SUMF1: variants seen among roughly 807,000 people sequenced by gnomAD.
SUMF1 encodes formylglycine-generating enzyme.
In SUMF1, 48 loss-of-function variants were observed where a neutral mutation model predicts 47.6. The ratio of observed to expected loss-of-function variants is 1.01; its 90% CI spans 0.80 to 1.28. SUMF1 has a LOEUF of 1.28. SUMF1 is among the 50% of genes most tolerant of loss of function. The pLI, the probability that SUMF1 is intolerant of heterozygous loss-of-function variation, is 0.00. For synonymous variants in SUMF1, 230 were observed against 192.1 expected (o/e 1.20, Z -1.63); for missense variants, 571 against 485.4 (o/e 1.18, Z -1.66).
intron 8 of SUMF1, among the ~76,000 whole-genome samples, chr3:4,205,640 G>T (rs757185328): frequency 1.3e-5 from 2 of 152,156 alleles, no homozygotes; most frequent in Non-Finnish European, 2.9e-5. Context: ...ATCTGCTTTG[G>T]GGGCAACCCA....
intron 8 of SUMF1, among the ~76,000 whole-genome samples, chr3:4,287,129 C>T (rs1438528332): frequency 6.6e-6 from 1 of 152,108 alleles, no homozygotes; most frequent in East Asian, 1.9e-4. Flanking sequence ...CTATATGTTC[C>T]TGAGTTCTTG....
At position 4,265,726 on chromosome 3, in the gene SUMF1, T is replaced by C. The variant is rs189191654; in HGVS notation, c.1014+110604A>G. 7.2e-5 allele frequency among the ~76,000 whole-genome samples: 11 copies of C among 152,328 alleles called. 2 individuals carry two copies. Among genetic ancestry groups the C allele is most frequent in the Admixed American group, 6.5e-5 (1 of 15,304 alleles). On this transcript the variant is annotated intron_variant and NMD_transcript_variant, in intron 8 of 12. Transcript: ENST00000448413. The stretch of plus-strand genomic sequence containing the variant: ...TTTCTTTTGCTGTGTAGAAGCTCTT[T>C]AGTTTAATTAGAACCCATTTGTCAA...
chr3:4,082,435 C>T (rs1388205987), intron 8 of SUMF1, among the ~76,000 whole-genome samples: 1 of 152,042 alleles, frequency 6.6e-6, no homozygotes, highest in African/African-American at 2.4e-5. Context: ...TGCCACTGCA[C>T]TTCATCCTGG....
At chr3:4,100,058 T>C (rs1001074409) in intron 8 of SUMF1, among the ~76,000 whole-genome samples, 2 of 151,076 alleles carry the variant, frequency 1.3e-5, no homozygotes, top group Non-Finnish European at 3.0e-5. Context: ...TTTAATAATA[T>C]GAATTCTTCC....
At chr3:4,211,121 T>TACAC (rs1553609385) in intron 8 of SUMF1, among the ~76,000 whole-genome samples, 2 of 128,296 alleles carry the variant, frequency 1.6e-5, no homozygotes, top group African/African-American at 6.0e-5. Context: ...TATATATATA[T>TACAC]ACACACACAC....
At chr3:4,276,655 T>C (rs1224525269) in intron 8 of SUMF1, among the ~76,000 whole-genome samples, 2 of 152,176 alleles carry the variant, frequency 1.3e-5, no homozygotes, top group Non-Finnish European at 2.9e-5. Context: ...GAATCAGTCA[T>C]ATTGTGCCAT....
intron 3 of SUMF1, among the ~76,000 whole-genome samples, chr3:4,447,243 G>A (rs923295505): frequency 2.6e-5 from 4 of 152,076 alleles, no homozygotes. Context: ...GTCATAAATA[G>A]AATGCAACAC....
intron 8 of SUMF1, among the ~76,000 whole-genome samples, chr3:4,106,834 G>A (rs1156856164): frequency 1.3e-5 from 2 of 151,984 alleles, no homozygotes; most frequent in Non-Finnish European, 2.9e-5. Context: ...AACAAATTAG[G>A]ATTTACCCTA....
At chr3:4,154,129 G>A (rs1293790401) in intron 8 of SUMF1, among the ~76,000 whole-genome samples, 3 of 151,580 alleles carry the variant, frequency 2.0e-5, no homozygotes, top group African/African-American at 4.9e-5. Context: ...CTCAGAGGAG[G>A]AGGTGACTCC....
At chr3:4,151,192 ATT>A (rs1694311234) in intron 8 of SUMF1, among the ~76,000 whole-genome samples, 1 of 150,990 alleles carries the variant, frequency 6.6e-6, no homozygotes, top group South Asian at 2.1e-4. Context: ...GCAAATATAT[ATT>A]TAAACACATA....
At position 4,307,542 on chromosome 3, in the gene SUMF1, T is replaced by C. The variant is rs142802763; in HGVS notation, c.1014+68788A>G. On this transcript the variant is annotated intron_variant and NMD_transcript_variant, in intron 8 of 12. Transcript: ENST00000448413. ...AGAAAGAAATTGTTGCAGACAGGAA[T>C]AGCCAAGACAAGAGTGTATTTTCTC... Among the ~76,000 whole-genome samples the C allele has an allele frequency of 4.0e-3, 607 of 152,304 alleles. 4 individuals carry two copies. Among genetic ancestry groups the C allele is most frequent in the Non-Finnish European group, 6.2e-3 (422 of 68,018 alleles).
intron 8 of SUMF1, among the ~76,000 whole-genome samples, chr3:4,311,996 T>C (rs1285982672): frequency 6.6e-6 from 1 of 152,214 alleles, no homozygotes. Flanking sequence ...GTCTTCTTTT[T>C]ATATAACATT....
At chr3:4,167,775 T>A (rs1694742777) in intron 8 of SUMF1, among the ~76,000 whole-genome samples, 1 of 152,174 alleles carries the variant, frequency 6.6e-6, no homozygotes, top group South Asian at 2.1e-4. Context: ...GCGCTAAGAT[T>A]TGACTTATAT....
chr3:4,190,687 C>T (rs1384707482), intron 8 of SUMF1, among the ~76,000 whole-genome samples: 1 of 152,114 alleles, frequency 6.6e-6, no homozygotes, highest in Non-Finnish European at 1.5e-5. Flanking sequence ...GTCACATAGA[C>T]TATCATAGAG....
At chr3:4,366,713 A>G (rs1192811863) in intron 8 of SUMF1, among the ~76,000 whole-genome samples, 2 of 152,016 alleles carry the variant, frequency 1.3e-5, no homozygotes, top group Non-Finnish European at 2.9e-5. Context: ...TCTTCTCTCA[A>G]CTCGTCAAAG....
intron 8 of SUMF1, among the ~76,000 whole-genome samples, chr3:4,107,875 G>C (rs1425329423): frequency 6.6e-6 from 1 of 151,994 alleles, no homozygotes; most frequent in Non-Finnish European, 1.5e-5. Context: ...TCCATTCTTA[G>C]GAATAATTCA....
At chr3:4,237,721 C>T (rs1696440161) in intron 8 of SUMF1, among the ~76,000 whole-genome samples, 1 of 152,038 alleles carries the variant, frequency 6.6e-6, no homozygotes, top group Non-Finnish European at 1.5e-5. Flanking sequence ...AGCCCAAGAT[C>T]ATCTAAATTT....
At chr3:4,413,002 G>T (rs930127406) in intron 6 of SUMF1, among the ~76,000 whole-genome samples, 2 of 152,010 alleles carry the variant, frequency 1.3e-5, no homozygotes, top group African/African-American at 4.8e-5. Context: ...TCCTATGTGT[G>T]CATCAATACT....
chr3:4,090,546 T>C (rs773241870), intron 8 of SUMF1, among the ~76,000 whole-genome samples: 2 of 152,098 alleles, frequency 1.3e-5, no homozygotes, highest in Admixed American at 6.5e-5. Context: ...TGAATAAATA[T>C]AAACCACTGT....
Sources: allele counts gnomAD v4.1 joint callset (sites outside exome capture counted in the v4.1 genomes callset), GRCh38; gene constraint gnomAD v4.1.1; transcripts MANE v1.5; gene names NCBI Gene and HGNC (gene_info 2026-07-23, HGNC 2026-07-21).